FAM184A: variants seen among roughly 807,000 people sequenced by gnomAD.
FAM184A encodes protein FAM184A.
FAM184A carries 99 observed loss-of-function variants against 143.8 expected under a neutral mutation model. That is an observed-to-expected ratio of 0.69 (90% CI 0.58 to 0.81). The LOEUF (loss-of-function observed/expected upper bound fraction) is 0.81, where lower values mean the gene tolerates loss of function less well. Among genes scored for constraint, FAM184A ranks in the 40% least tolerant of loss-of-function variants. The probability of loss-of-function intolerance (pLI) is 0.00; values close to 1 mark genes in which losing one functional copy is unlikely to be tolerated. For missense variants in FAM184A, 1,217 were observed against 1,310.5 expected (o/e 0.93, Z 1.10); for synonymous variants, 427 against 446.4 (o/e 0.96, Z 0.55).
intron 1 of FAM184A, among the ~76,000 whole-genome samples, chr6:119,034,071 G>C (rs1393258362): frequency 1.3e-5 from 1 of 78,850 alleles, no homozygotes; most frequent in East Asian, 4.9e-4. Flanking sequence ...GAGAGAGAGA[G>C]AGAGTTAAAT....
In FAM184A at chr6:118,969,300, G is replaced by A. The variant is rs9401110; in HGVS notation, c.2916-2348C>T. ...ATGACTTTATTAGCAGCGTGAGAAC[G>A]GACTAATACAATATTTTTACATCAT... On this transcript the variant is annotated intron_variant, in intron 14 of 17. Transcript: ENST00000338891. Among the ~76,000 whole-genome samples the A allele has an allele frequency of 3.7e-3, 564 of 151,994 alleles. 9 individuals carry two copies. The highest frequency in any genetic ancestry group is 0.037 in the East Asian group (191 of 5,176).
chr6:118,979,968 A>G (rs1239029270), intron 10 of FAM184A, among the ~76,000 whole-genome samples, 170 bp downstream of exon 10: 1 of 152,010 alleles, frequency 6.6e-6, no homozygotes, highest in Non-Finnish European at 1.5e-5. Flanking sequence ...AAAAATCACG[A>G]GTCTAGGAAG....
At chr6:118,965,408 G>A (rs190512738) in intron 15 of FAM184A, among the ~76,000 whole-genome samples, 67 of 152,210 alleles carry the variant, frequency 4.4e-4, no homozygotes, top group African/African-American at 1.6e-3. Context: ...ATTAATCTAT[G>A]ATAGCAATGG....
At chr6:119,073,531 T>G (rs1339448157) in intron 1 of FAM184A, among the ~76,000 whole-genome samples, 3 of 152,194 alleles carry the variant, frequency 2.0e-5, no homozygotes, top group Non-Finnish European at 4.4e-5. Flanking sequence ...GATGTGTTAC[T>G]TTCCACCCCC....
At chr6:119,037,313 T>G (rs1786150534) in intron 1 of FAM184A, among the ~76,000 whole-genome samples, 1 of 151,996 alleles carries the variant, frequency 6.6e-6, no homozygotes, top group South Asian at 2.1e-4. Context: ...TTGTGAGGGG[T>G]TTTTTTGTTG....
At chr6:118,989,806 AT>A (rs1019969093) in intron 9 of FAM184A, among the ~76,000 whole-genome samples, 138 of 89,004 alleles carry the variant, frequency 1.6e-3, no homozygotes, top group Non-Finnish European at 2.5e-3. Context: ...TTTTACATTT[AT>A]TTATTTATTT....
chr6:119,117,447 C>T (rs1255005981), intron 1 of FAM184A, among the ~76,000 whole-genome samples: 1 of 152,196 alleles, frequency 6.6e-6, no homozygotes, highest in Non-Finnish European at 1.5e-5. Flanking sequence ...GGCCATACTG[C>T]CACACAATAC....
chr6:119,025,621 G>C (rs1208802131), intron 1 of FAM184A: 1 of 518,764 alleles, frequency 1.9e-6, no homozygotes, highest in African/African-American at 1.9e-5. Flanking sequence ...TCCCTGCACA[G>C]TAACACTCTC....
intron 1 of FAM184A, among the ~76,000 whole-genome samples, chr6:119,131,498 A>AT (rs35341605): frequency 6.6e-6 from 1 of 151,598 alleles, no homozygotes; most frequent in South Asian, 2.1e-4. Context: ...TTATTTATTT[A>AT]TTTTTTGGAG....
At chr6:119,128,137 C>A (rs1342316784) in intron 1 of FAM184A, among the ~76,000 whole-genome samples, 4 of 151,950 alleles carry the variant, frequency 2.6e-5, no homozygotes, top group African/African-American at 9.7e-5. Flanking sequence ...GACTGACAAA[C>A]AGACTCTTTG....
At chr6:119,144,131 T>A (rs1404074897) in intron 1 of FAM184A, among the ~76,000 whole-genome samples, 1 of 149,602 alleles carries the variant, frequency 6.7e-6, no homozygotes, top group African/African-American at 2.5e-5. Flanking sequence ...ATCGAGACCA[T>A]CCTGGCTAAC....
chr6:119,027,892 T>A (rs916461835), intron 1 of FAM184A, among the ~76,000 whole-genome samples: 1 of 152,188 alleles, frequency 6.6e-6, no homozygotes, highest in East Asian at 1.9e-4. Flanking sequence ...AGTCAGCATT[T>A]TTCTACTGAA....
At chr6:119,059,098 G>A (rs1787123491) in intron 1 of FAM184A, among the ~76,000 whole-genome samples, 1 of 152,096 alleles carries the variant, frequency 6.6e-6, no homozygotes, top group Non-Finnish European at 1.5e-5. Context: ...CCGGGTTCAA[G>A]CAATCCTCCC....
chr6:119,124,698 A>G (rs1789310547), intron 1 of FAM184A, among the ~76,000 whole-genome samples: 1 of 152,042 alleles, frequency 6.6e-6, no homozygotes, highest in Admixed American at 6.5e-5. Context: ...AAAACGTGAA[A>G]AGACATTAAG....
chr6:118,977,726 GAAC>G (rs931422677), intron 11 of FAM184A, among the ~76,000 whole-genome samples: 25 of 152,290 alleles, frequency 1.6e-4, no homozygotes, highest in African/African-American at 5.8e-4. Flanking sequence ...GGCAATAAAT[GAAC>G]AACATGAGTC....
chr6:119,097,147 G>T (rs976333251), intron 1 of FAM184A, among the ~76,000 whole-genome samples: 1 of 151,994 alleles, frequency 6.6e-6, no homozygotes, highest in Non-Finnish European at 1.5e-5. Context: ...TTCCCATCTC[G>T]CAGTTCATGC....
chr6:119,025,414 A>G, intron 1 of FAM184A: 1 of 517,766 alleles, frequency 1.9e-6, no homozygotes, highest in South Asian at 1.4e-5. Flanking sequence ...TGATCTCTTT[A>G]TAAAATCCAA....
chr6:118,961,882 C>T lies in FAM184A; in HGVS notation c.3220G>A (p.Gly1074Ser). The T allele has an allele frequency of 6.2e-7, 1 of 1,613,814 alleles. No individual in the cohort carries two copies. The highest frequency in any genetic ancestry group is 8.5e-7 in the Non-Finnish European group (1 of 1,179,870). Residue 1074 changes from glycine (G) to serine (S), a missense_variant, in exon 17 of 18, where the codon GGC becomes AGC. Coordinates refer to ENST00000338891, the MANE Select transcript of FAM184A (RefSeq NM_024581.6). ...NLSALESGGV[G>S]NGHPNRLDPI... Reference sequence around the variant, plus strand: ...TCCAGGCGGTTAGGATGTCCATTGCCCACTCCACCAGATTCCAGAGCACTT... The same window carrying T: ...TCCAGGCGGTTAGGATGTCCATTGCTCACTCCACCAGATTCCAGAGCACTT...
intron 1 of FAM184A, among the ~76,000 whole-genome samples, chr6:119,061,853 T>C (rs939426189): frequency 1.3e-5 from 2 of 152,142 alleles, no homozygotes; most frequent in African/African-American, 4.8e-5. Context: ...CTAAACACTA[T>C]ATGTATCAAA....
Sources: gnomAD v4.1 joint callset for allele counts (sites outside exome capture counted in the v4.1 genomes callset) on GRCh38, gnomAD v4.1.1 for gene constraint, MANE v1.5 for transcripts, NCBI Gene and HGNC (gene_info 2026-07-23, HGNC 2026-07-21) for gene names.